PCDHGB1: variants seen among roughly 807,000 people sequenced by gnomAD.
PCDHGB1 encodes the protein protocadherin gamma-B1.
A neutral mutation model predicts 56.6 loss-of-function variants in PCDHGB1; 34 were observed. The ratio of observed to expected loss-of-function variants is 0.60; its 90% CI spans 0.46 to 0.80. PCDHGB1 has a LOEUF of 0.80. PCDHGB1 is among the 30% of genes least tolerant of loss of function. The probability of loss-of-function intolerance (pLI) is 0.00; values close to 1 mark genes in which losing one functional copy is unlikely to be tolerated. For synonymous variants in PCDHGB1, 561 were observed against 505.9 expected (o/e 1.11, Z -1.46); for missense variants, 1,278 against 1,204.6 (o/e 1.06, Z -0.90).
At chr5:141,378,535 T>G (rs1235721694) in intron 1 of PCDHGB1, 6 of 152,092 alleles carry the variant, frequency 3.9e-5, no homozygotes, top group Admixed American at 3.9e-4. Flanking sequence ...AAAATAATAA[T>G]GATAATTAAT....
intron 1 of PCDHGB1, chr5:141,392,941 C>T (rs780347240): frequency 6.2e-7 from 1 of 1,613,940 alleles, no homozygotes. Context: ...GACAAAGGCT[C>T]CTTCGTGGGT....
intron 1 of PCDHGB1, chr5:141,414,843 G>A: frequency 3.7e-6 from 6 of 1,614,218 alleles, no homozygotes; most frequent in Non-Finnish European, 5.1e-6. Context: ...GCCTGTTTGT[G>A]CTGGACCAGA....
intron 1 of PCDHGB1, chr5:141,379,377 T>C (rs1263965751): frequency 1.3e-5 from 2 of 152,208 alleles, no homozygotes; most frequent in Non-Finnish European, 2.9e-5. Flanking sequence ...TTTGATAAAA[T>C]AACAATTTTA....
chr5:141,360,688 A>T, intron 1 of PCDHGB1: 1 of 1,613,902 alleles, frequency 6.2e-7, no homozygotes, highest in Non-Finnish European at 8.5e-7. Context: ...TGAGAAACAG[A>T]CTCCAGATGG....
chr5:141,361,803 T>C, intron 1 of PCDHGB1: 1 of 1,613,164 alleles, frequency 6.2e-7, no homozygotes, highest in Non-Finnish European at 8.5e-7. Flanking sequence ...GCGACCTCAA[T>C]GACAATGCGC....
chr5:141,389,356 C>T lies in PCDHGB1; in HGVS notation c.2409+36687C>T, dbSNP rs188323445. 2.1e-5 allele frequency: 34 copies of T among 1,613,916 alleles called. No homozygotes were observed. The Middle Eastern group carries it at 1.6e-3, about 78-fold the overall frequency. ...GGCCAAGTCTCTTACTGCATCATGG[C>T]CAGTGACCTGGAGCAGCGGGAGCTG... On this transcript the variant is annotated intron_variant, in intron 1 of 3. Transcript: ENST00000523390.
At chr5:141,355,413 G>A (rs1220592912) in intron 1 of PCDHGB1, 1 of 1,614,108 alleles carries the variant, frequency 6.2e-7, no homozygotes, top group East Asian at 2.2e-5. Context: ...CCAGAGGTAG[G>A]ACGCAGCTTT....
intron 1 of PCDHGB1, chr5:141,427,729 A>G (rs1176707357): frequency 8.5e-7 from 1 of 1,170,166 alleles, no homozygotes; most frequent in African/African-American, 1.5e-5. Context: ...CTAGGGCTGA[A>G]TGGCCAAGTC....
intron 1 of PCDHGB1, among the ~76,000 whole-genome samples, chr5:141,492,893 C>T (rs936521362): frequency 2.0e-5 from 3 of 152,178 alleles, no homozygotes; most frequent in Admixed American, 6.5e-5. Flanking sequence ...AGGCTTTTGG[C>T]GCCGTCGTGA....
Position 141,357,014 on chromosome 5 carries a change from C to A in PCDHGB1, c.2409+4345C>A, listed in dbSNP as rs377201838. ...GACTCAGGTCAGAATGCCTGGCTGT[C>A]CTACAGCCTACTCAAGTCCAGCGAG... On this transcript the variant is annotated intron_variant, in intron 1 of 3. Coordinates refer to ENST00000523390, the MANE Select transcript of PCDHGB1 (RefSeq NM_018922.3). 9.9e-6 allele frequency: 16 copies of A among 1,614,012 alleles called. No homozygotes were observed. The African/African-American group carries it at 1.6e-4, about 16-fold the overall frequency.
At chr5:141,430,404 A>T (rs1054341813) in intron 1 of PCDHGB1, among the ~76,000 whole-genome samples, 2 of 152,000 alleles carry the variant, frequency 1.3e-5, no homozygotes, top group African/African-American at 4.8e-5. Flanking sequence ...AAAGCTCACT[A>T]AAGTTTCTAT....
intron 1 of PCDHGB1, chr5:141,409,901 C>G: frequency 6.2e-7 from 1 of 1,613,264 alleles, no homozygotes; most frequent in Non-Finnish European, 8.5e-7. Context: ...GTACCCAGCT[C>G]TGGGTCCTGA....
rs1318239086 is a variant in PCDHGB1 at position 141,375,939 on chromosome 5, T to C, written c.2409+23270T>C. 2.5e-6 allele frequency: 4 copies of C among 1,613,658 alleles called. No homozygotes were observed. In the East Asian group the frequency reaches 8.9e-5, roughly 36 times the overall value. On this transcript the variant is annotated intron_variant, in intron 1 of 3. Transcript: ENST00000523390. ...GCCAGCGAGCCAGGACTTTTCTCAGTGGGCCTGCACACGGGCGAGGTGCGC... is the reference window on the plus strand; with the variant it reads ...GCCAGCGAGCCAGGACTTTTCTCAGCGGGCCTGCACACGGGCGAGGTGCGC...
At chr5:141,404,321 T>A (rs764642673) in intron 1 of PCDHGB1, 7 of 1,613,764 alleles carry the variant, frequency 4.3e-6, no homozygotes, top group Non-Finnish European at 3.4e-6. Flanking sequence ...TCAAGCCTCC[T>A]ACTCAGTCTA....
chr5:141,423,574 C>T (rs953989787), intron 1 of PCDHGB1: 2 of 1,613,328 alleles, frequency 1.2e-6, no homozygotes, highest in Non-Finnish European at 1.7e-6. Flanking sequence ...GCTCATCAGC[C>T]AGGAGAGCTG....
At chr5:141,403,773 A>G (rs1286965459) in intron 1 of PCDHGB1, 5 of 1,613,956 alleles carry the variant, frequency 3.1e-6, no homozygotes, top group Non-Finnish European at 4.2e-6. Flanking sequence ...GAGGGAATCA[A>G]CGGAAAAGTG....
intron 1 of PCDHGB1, chr5:141,379,485 T>TA (rs755973263): frequency 2.0e-5 from 3 of 152,260 alleles, no homozygotes; most frequent in Non-Finnish European, 4.4e-5. Flanking sequence ...TATTTTACTA[T>TA]ACTACCAATT....
chr5:141,353,416 C>T (rs1048151831), intron 1 of PCDHGB1, among the ~76,000 whole-genome samples: 1 of 152,076 alleles, frequency 6.6e-6, no homozygotes, highest in African/African-American at 2.4e-5. Flanking sequence ...TCATCAATTA[C>T]ATTCTAGTTT....
intron 1 of PCDHGB1, chr5:141,388,909 C>A: frequency 1.2e-6 from 2 of 1,613,902 alleles, no homozygotes; most frequent in South Asian, 1.1e-5. Context: ...AATGACAACG[C>A]CCCAGAAGTG....
Sources: allele counts gnomAD v4.1 joint callset (sites outside exome capture counted in the v4.1 genomes callset), GRCh38; gene constraint gnomAD v4.1.1; transcripts MANE v1.5; gene names NCBI Gene and HGNC (gene_info 2026-07-23, HGNC 2026-07-21).